The following MGARP variants were observed in gnomAD, a reference collection of about 807,000 sequenced individuals.
The protein encoded by MGARP is mitochondria localized glutamic acid rich protein.
A neutral mutation model predicts 11.0 loss-of-function variants in MGARP; 12 were observed. That is an observed-to-expected ratio of 1.09 (90% CI 0.70 to 1.77). MGARP has a LOEUF of 1.77. MGARP is among the 40% of genes most tolerant of loss of function. The pLI is 0.00. For synonymous variants in MGARP, 110 were observed against 115.4 expected, an observed-to-expected ratio of 0.95 and a Z score of 0.30; for missense variants, 283 against 297.8, an observed-to-expected ratio of 0.95 and a Z score of 0.36.
At chr4:139,277,786 GA>G (rs965667994) in intron 1 of MGARP, among the ~76,000 whole-genome samples, 16 of 151,402 alleles carry the variant, frequency 1.1e-4, no homozygotes, top group East Asian at 1.9e-4. Flanking sequence ...GGAATGAGGG[GA>G]AAAAAAAGGT....
At chr4:139,277,557 A>G (rs567069595) in intron 1 of MGARP, among the ~76,000 whole-genome samples, 1 of 152,366 alleles carries the variant, frequency 6.6e-6, no homozygotes, top group South Asian at 2.1e-4. Flanking sequence ...AAATACAATG[A>G]TGGACAAGTT....
At chr4:139,270,809 GGTGT>G (rs1486422708) in intron 2 of MGARP, among the ~76,000 whole-genome samples, 2 of 152,032 alleles carry the variant, frequency 1.3e-5, no homozygotes, top group Non-Finnish European at 2.9e-5. Context: ...TTCCGAGTAG[GGTGT>G]GTGTTCCTGA....
In MGARP at chr4:139,268,167, TAGGA is replaced by T. The variant is rs142540437; in HGVS notation, c.280+501_280+504del. Among the ~76,000 whole-genome samples the T allele has an allele frequency of 2.7e-3, 409 of 151,434 alleles. 2 individuals carry two copies. Among genetic ancestry groups the T allele is most frequent in the African/African-American group, 8.2e-3 (339 of 41,240 alleles). On this transcript the variant is annotated intron_variant, in intron 3 of 3. Transcript: ENST00000398955. ...GAAGGGAGGGTGGGAAAAAGAAGTGTAGGAAGGAAGGAAAGAGTGAAAATATAAA... is the reference window on the plus strand; with the variant it reads ...GAAGGGAGGGTGGGAAAAAGAAGTGTAGGAAGGAAAGAGTGAAAATATAAA...
Position 139,266,522 on chromosome 4 carries a change from C to G in MGARP, c.*77G>C. 8.1e-7 allele frequency: 1 copy of G among 1,240,890 alleles called. No individual in the cohort carries two copies. The highest frequency in any genetic ancestry group is 1.1e-6 in the Non-Finnish European group (1 of 912,750). 76.9% of individuals were successfully genotyped at this position (1,240,890 alleles called of 1,614,324 possible). A position where few individuals can be genotyped will look rare whatever the true frequency, so the allele number is the denominator to read the frequency against. ...GAAAATAAGTCTTTTTTTTTTTAAA[C>G]TAAGTGTACTAAAAACACAAAAGCA... On this transcript the variant is annotated 3_prime_UTR_variant, in exon 4 of 4. Transcript: ENST00000398955.
In MGARP at chr4:139,266,895, C is replaced by T. The variant is rs78813866; in HGVS notation, c.427G>A (p.Val143Met). 3 of 1,614,082 alleles carry T rather than the reference C, an allele frequency of 1.9e-6. No individual in the cohort carries two copies. The highest frequency in any genetic ancestry group is 2.5e-6 in the Non-Finnish European group (3 of 1,180,046). Residue 143 changes from valine (V) to methionine (M), a missense_variant, in exon 4 of 4, where the codon GTG (valine) becomes ATG (methionine). By Grantham distance (21) the Val-to-Met change is conservative. Transcript: ENST00000398955. ...IKEASACPGH[V>M]EAAPETTAVS... ...GCTGTGGTCTCCGGAGCAGCCTCCA[C>T]GTGACCTGGACAGGCAGATGCCTCT... is the stretch of plus-strand genomic sequence containing the variant.
At chr4:139,274,632 C>T (rs1161900250) in intron 2 of MGARP, among the ~76,000 whole-genome samples, 1 of 151,960 alleles carries the variant, frequency 6.6e-6, no homozygotes, top group African/African-American at 2.4e-5. Context: ...TACAGGCACA[C>T]ACCACCATGC....
At chr4:139,269,630 C>CAAAAAAAAAAAA (rs56142345) in intron 2 of MGARP, among the ~76,000 whole-genome samples, 3 of 81,814 alleles carry the variant, frequency 3.7e-5, no homozygotes, top group Non-Finnish European at 5.1e-5. Flanking sequence ...GACTCCATCT[C>CAAAAAAAAAAAA]AAAAAAAAAA....
intron 1 of MGARP, among the ~76,000 whole-genome samples, chr4:139,277,765 T>A (rs1744894161): frequency 6.6e-6 from 1 of 152,130 alleles, no homozygotes. Flanking sequence ...GGAAATAATG[T>A]GCACAAGGAA....
At position 139,280,216 on chromosome 4, in the gene MGARP, C is replaced by T; in HGVS notation, c.-58G>A. The T allele has an allele frequency of 6.5e-7, 1 of 1,529,606 alleles. No homozygotes were observed. Among genetic ancestry groups the T allele is most frequent in the South Asian group, 1.2e-5 (1 of 83,818 alleles). 94.8% of individuals were successfully genotyped at this position (1,529,606 alleles called of 1,614,324 possible). Reference sequence around the variant, plus strand: ...TACCCAGGCGCAGGCTGCCCTTCCACAGAGAGGCTGAGAGCCTGGCAGCGC... The same window carrying T: ...TACCCAGGCGCAGGCTGCCCTTCCATAGAGAGGCTGAGAGCCTGGCAGCGC... On this transcript the variant is annotated 5_prime_UTR_variant, in exon 1 of 4. It adds an upstream start codon to the 5' untranslated region. Coordinates refer to ENST00000398955, the MANE Select transcript of MGARP (RefSeq NM_032623.4).
chr4:139,271,382 C>T (rs1744778420), intron 2 of MGARP, among the ~76,000 whole-genome samples: 1 of 152,000 alleles, frequency 6.6e-6, no homozygotes, highest in African/African-American at 2.4e-5. Flanking sequence ...AAAAATTAGC[C>T]AGGCGTGGTG....
At chr4:139,268,299 G>A (rs1183619698) in intron 3 of MGARP, among the ~76,000 whole-genome samples, 1 of 152,134 alleles carries the variant, frequency 6.6e-6, no homozygotes, top group Non-Finnish European at 1.5e-5. Flanking sequence ...GCACACAGGT[G>A]GTCTTAGCCA....
intron 1 of MGARP, among the ~76,000 whole-genome samples, 180 bp from the exon 2 acceptor site, chr4:139,275,572 A>C (rs1042039480): frequency 6.6e-6 from 1 of 152,220 alleles, no homozygotes; most frequent in African/African-American, 2.4e-5. Flanking sequence ...ACAGTCTCCC[A>C]ATCTAATTTG....
chr4:139,273,796 G>A (rs1226323669), intron 2 of MGARP, among the ~76,000 whole-genome samples: 1 of 152,100 alleles, frequency 6.6e-6, no homozygotes, highest in Non-Finnish European at 1.5e-5. Context: ...TTACAGGCGT[G>A]AGCCACCATG....
chr4:139,277,376 T>A (rs1476212151), intron 1 of MGARP, among the ~76,000 whole-genome samples: 1 of 152,216 alleles, frequency 6.6e-6, no homozygotes, highest in African/African-American at 2.4e-5. Flanking sequence ...CCCCAAAGGC[T>A]ATGAGAAGAG....
At chr4:139,273,562 T>C (rs1388378606) in intron 2 of MGARP, among the ~76,000 whole-genome samples, 10 of 147,702 alleles carry the variant, frequency 6.8e-5, no homozygotes, top group Admixed American at 5.6e-4. Flanking sequence ...TCACCCAGCC[T>C]GGAGTGCAGT....
At chr4:139,278,646 A>T (rs1744909000) in intron 1 of MGARP, among the ~76,000 whole-genome samples, 1 of 152,164 alleles carries the variant, frequency 6.6e-6, no homozygotes, top group Admixed American at 6.6e-5. Context: ...GAACGCAGAC[A>T]GATAAAACGA....
In MGARP at chr4:139,268,759, T is replaced by G. The variant is rs1230934194; in HGVS notation, c.193A>C (p.Lys65Gln). Residue 65 changes from lysine (K) to glutamine (Q), a missense_variant, in exon 3 of 4, where the codon AAG becomes CAG. Lys to Gln is a moderately conservative substitution (Grantham distance 53). Transcript: ENST00000398955. ...TTGGCTTGGTCTGATGTGACTGTCT[T>G]GTAAGCCTGAAAGTAAATGTATGCT... ...TVSAGGYYAYKTVTSDQAKHT... is the reference protein window; with the variant it reads ...TVSAGGYYAYQTVTSDQAKHT... 2 of 1,604,382 alleles carry G rather than the reference T, an allele frequency of 1.2e-6. No individual in the cohort carries two copies. Among genetic ancestry groups the G allele is most frequent in the Non-Finnish European group, 1.7e-6 (2 of 1,176,764 alleles).
In MGARP at chr4:139,269,608, G is replaced by A. The variant is rs1351910324; in HGVS notation, c.187-843C>T. Among the ~76,000 whole-genome samples the A allele has an allele frequency of 2.1e-5, 3 of 143,686 alleles. No homozygotes were observed. In the East Asian group the frequency reaches 6.0e-4, roughly 29 times the overall value. The allele number at this position is 143,686 out of a possible 152,430, so 94.3% of individuals were successfully genotyped here. ...ATCATGCCATTGCACTCCACCCTGG[G>A]CGACAGAGCAAGACTCCATCTCAAA... On this transcript the variant is annotated intron_variant, in intron 2 of 3. Transcript: ENST00000398955.
Position 139,266,256 on chromosome 4 carries a change from T to A in MGARP, c.*343A>T, listed in dbSNP as rs2110728920. The A allele has an allele frequency of 5.2e-6, 1 of 193,430 alleles. No homozygotes were observed. 12.0% of individuals were successfully genotyped at this position (193,430 alleles called of 1,614,324 possible). A position where few individuals can be genotyped will look rare whatever the true frequency, so the allele number is the denominator to read the frequency against. The stretch of plus-strand genomic sequence containing the variant: ...GAAAGCATAGTGAAATTAAAGTAAA[T>A]ACAGGTTGTATGGATAGCTCAATTT... On this transcript the variant is annotated 3_prime_UTR_variant, in exon 4 of 4. Transcript: ENST00000398955.
Sources: allele counts gnomAD v4.1 joint callset (sites outside exome capture counted in the v4.1 genomes callset), GRCh38; gene constraint gnomAD v4.1.1; transcripts MANE v1.5; gene names NCBI Gene and HGNC (gene_info 2026-07-23, HGNC 2026-07-21).